Variants in SLC23A1 observed in about 807,000 individuals in gnomAD.
SLC23A1 encodes solute carrier family 23 member 1.
Under a neutral mutation model 62.5 loss-of-function variants are expected in SLC23A1, and 31 were observed. The ratio of observed to expected loss-of-function variants is 0.50; its 90% confidence interval spans 0.37 to 0.67. The LOEUF is 0.67. SLC23A1 is among the 30% of genes least tolerant of loss of function. The pLI is 0.00. For missense variants in SLC23A1, 640 were observed against 782.7 expected (o/e 0.82, Z 2.18); for synonymous variants, 271 against 313.2 (o/e 0.87, Z 1.42).
chr5:139,380,410 C>T lies in SLC23A1; in HGVS notation c.466-21G>A, dbSNP rs1758190261. ...TGGACCTGGAAGGGCAAACATCAGC[C>T]GTAAGTCACCATGTAAAGGTCATGA... is the stretch of plus-strand genomic sequence containing the variant. On this transcript the variant is annotated intron_variant, in intron 5 of 14. Transcript: ENST00000348729. The T allele has an allele frequency of 8.1e-6, 13 of 1,613,178 alleles. 1 individual carries two copies. In the Middle Eastern group the frequency reaches 5.0e-4, roughly 61 times the overall value.
intron 14 of SLC23A1, chr5:139,369,521 C>T (rs1757521124): frequency 6.6e-6 from 1 of 152,442 alleles, no homozygotes; most frequent in African/African-American, 2.4e-5. Context: ...GGTGCTTTTC[C>T]TTGCTTTGTT....
intron 14 of SLC23A1, chr5:139,368,687 T>A: frequency 7.5e-7 from 1 of 1,327,318 alleles, no homozygotes; most frequent in Non-Finnish European, 1.1e-6. Context: ...AATTAGTACC[T>A]GAAACTGTGT....
intron 2 of SLC23A1, 92 bp from the exon 3 acceptor site, chr5:139,382,141 G>A: frequency 7.4e-7 from 1 of 1,348,918 alleles, no homozygotes; most frequent in Non-Finnish European, 1.0e-6. Flanking sequence ...TGCCTCAGCG[G>A]GCCTGGAACC....
At chr5:139,384,825 C>T, upstream of SLC23A1, 1 of 842,820 alleles carries the variant, frequency 1.2e-6, no homozygotes, top group African/African-American at 1.8e-5. Flanking sequence ...GGCTCCACAC[C>T]CTGTCCTGAA....
rs1758310144 is a variant in SLC23A1, at chr5:139,382,281, A to T, written c.150+211T>A. On this transcript the variant is annotated intron_variant, in intron 2 of 14. Transcript: ENST00000348729. ...CGTGGAGTCGGCTCTGCTCCCTGTC[A>T]CCAACACCCCACCTGGCAAGCGTCA... is the stretch of plus-strand genomic sequence containing the variant. 4 of 600,802 alleles carry T rather than the reference A, an allele frequency of 6.7e-6. No homozygotes were observed. The South Asian group carries it at 8.0e-5, about 12-fold the overall frequency. 37.2% of individuals were successfully genotyped at this position (600,802 alleles called of 1,614,324 possible).
At chr5:139,382,715 C>T (rs1451869021) in intron 1 of SLC23A1, 110 bp from the exon 2 acceptor site, 7 of 711,552 alleles carry the variant, frequency 9.8e-6, no homozygotes, top group Admixed American at 5.1e-5. Flanking sequence ...CAACTGAGAG[C>T]GGGGTTCCCG....
upstream of SLC23A1, among the ~76,000 whole-genome samples, chr5:139,383,817 A>C (rs1278449806): frequency 6.6e-6 from 1 of 152,242 alleles, no homozygotes; most frequent in African/African-American, 2.4e-5. Flanking sequence ...ATTTGACCCA[A>C]GCCATGCAGA....
At chr5:139,384,278 G>T, upstream of SLC23A1, 1 of 1,076,164 alleles carries the variant, frequency 9.3e-7, no homozygotes, top group Non-Finnish European at 1.2e-6. Flanking sequence ...AGGCTCCTCA[G>T]CTGGTGAGGG....
chr5:139,375,082 G>A (rs897749577), intron 13 of SLC23A1, among the ~76,000 whole-genome samples: 4 of 152,216 alleles, frequency 2.6e-5, no homozygotes, highest in African/African-American at 9.7e-5. Context: ...GCTGTTCAGA[G>A]ACAGCCTCTG....
chr5:139,375,592 T>C (rs1757907935), intron 13 of SLC23A1, among the ~76,000 whole-genome samples: 2 of 152,050 alleles, frequency 1.3e-5, no homozygotes. Context: ...CCTAGCACTT[T>C]GGGAGGCCAA....
At chr5:139,377,736 G>A (rs572695303) in intron 12 of SLC23A1, among the ~76,000 whole-genome samples, 1 of 152,228 alleles carries the variant, frequency 6.6e-6, no homozygotes, top group Non-Finnish European at 1.5e-5. Context: ...ATGGAGAAAT[G>A]ATAAATGTAG....
chr5:139,381,026 G>A, intron 3 of SLC23A1, 140 bp from the exon 4 acceptor site: 1 of 596,294 alleles, frequency 1.7e-6, no homozygotes, highest in Non-Finnish European at 3.0e-6. Context: ...AAATCGTTGA[G>A]GCCCCAGGGA....
chr5:139,376,688 T>C (rs1159665262), intron 13 of SLC23A1, among the ~76,000 whole-genome samples: 2 of 152,238 alleles, frequency 1.3e-5, no homozygotes, highest in African/African-American at 4.8e-5. Flanking sequence ...AAGGGAAATG[T>C]TAGTGGCTCT....
chr5:139,379,633 G>A lies in SLC23A1; in HGVS notation c.925+45C>T, dbSNP rs747774311. On this transcript the variant is annotated intron_variant, in intron 8 of 14. Transcript: ENST00000348729. The surrounding 1 kb of genome is among the most constrained non-coding windows in gnomAD (Gnocchi z 4.7). The stretch of plus-strand genomic sequence containing the variant: ...GGGGTCACCAGGAGTCTGTCTCATA[G>A]GTGGTCTCAGTTGGGGGCAGAGGGG... The A allele has an allele frequency of 6.4e-7, 1 of 1,552,366 alleles. No homozygotes were observed. Among genetic ancestry groups the A allele is most frequent in the Non-Finnish European group, 8.8e-7 (1 of 1,137,918 alleles).
Position 139,379,274 on chromosome 5 carries a change from T to C in SLC23A1, c.1006A>G (p.Ile336Val). The C allele has an allele frequency of 1.9e-6, 3 of 1,614,170 alleles. No individual in the cohort carries two copies. Among genetic ancestry groups the C allele is most frequent in the Non-Finnish European group, 2.5e-6 (3 of 1,179,984 alleles). Reference protein sequence around the residue: ...SATLAGIIESIGDYYACARLA... With the variant: ...SATLAGIIESVGDYYACARLA... ...CGGGCACAGGCGTAGTAATCTCCGA[T>C]GGACTCAATGATGCCTGCCAGAGTG... The change falls in exon 9 of 15, where the codon ATC becomes GTC. Residue 336 changes from isoleucine (I) to valine (V), a missense_variant. Transcript: ENST00000348729. This position sits in a 1 kb window ranked among gnomAD's most constrained non-coding sequence, Gnocchi z 4.7.
At chr5:139,384,333 C>T (rs1310061274), upstream of SLC23A1, 2 of 1,268,178 alleles carry the variant, frequency 1.6e-6, no homozygotes, top group Non-Finnish European at 2.0e-6. Flanking sequence ...GCTGCCCCAG[C>T]CCCAGCACTC....
At chr5:139,383,378 C>A, upstream of SLC23A1, 1 of 1,500,390 alleles carries the variant, frequency 6.7e-7, no homozygotes. Flanking sequence ...AGATGCCCAG[C>A]TCTGGATTGC....
At position 139,377,874 on chromosome 5, in the gene SLC23A1, A is replaced by G; in HGVS notation, c.1453+101T>C. 2.5e-6 allele frequency: 3 copies of G among 1,192,912 alleles called. No homozygotes were observed. The East Asian group carries it at 7.6e-5, about 30-fold the overall frequency. 73.9% of individuals were successfully genotyped at this position (1,192,912 alleles called of 1,614,324 possible). Reference sequence around the variant, plus strand: ...TGCTGGTTGACACCCAGAGTTGGGTACGATTTGTGGCTGTAGCTGTGTGGA... The same window carrying G: ...TGCTGGTTGACACCCAGAGTTGGGTGCGATTTGTGGCTGTAGCTGTGTGGA... On this transcript the variant is annotated intron_variant, in intron 12 of 14. Coordinates refer to ENST00000348729, the MANE Select transcript of SLC23A1 (RefSeq NM_005847.5).
chr5:139,371,101 A>AC (rs1395795648), intron 14 of SLC23A1, among the ~76,000 whole-genome samples: 1 of 151,846 alleles, frequency 6.6e-6, no homozygotes, highest in Non-Finnish European at 1.5e-5. Flanking sequence ...GGAAAAGGGA[A>AC]CTCTAGCCAG....
Sources: allele counts gnomAD v4.1 joint callset (sites outside exome capture counted in the v4.1 genomes callset), GRCh38; gene constraint gnomAD v4.1.1; non-coding constraint Gnocchi (gnomAD v3.1); transcripts MANE v1.5; gene names NCBI Gene and HGNC (gene_info 2026-07-23, HGNC 2026-07-21).